GLRA2: variants seen among roughly 807,000 people sequenced by gnomAD.
GLRA2 encodes the protein glycine receptor subunit alpha-2.
Under a neutral mutation model 31.6 loss-of-function variants are expected in GLRA2, and 11 were observed. The observed-to-expected ratio is 0.35, with a 90% CI of 0.22 to 0.58. GLRA2 has a LOEUF of 0.58. GLRA2 is among the 20% of genes least tolerant of loss of function. The pLI, the probability that GLRA2 is intolerant of heterozygous loss-of-function variation, is 0.84. For synonymous variants in GLRA2, 132 were observed against 134.0 expected, an observed-to-expected ratio of 0.99 and a Z score of 0.10; for missense variants, 212 against 351.8, an observed-to-expected ratio of 0.60 and a Z score of 3.18.
At chrX:14,491,937 C>CAGAA in the GLRA2 span, among the ~76,000 whole-genome samples, 1 of 111,697 alleles carries the variant, frequency 9.0e-6, no homozygotes, top group Non-Finnish European at 1.9e-5. Context: ...GTGCACTTTA[C>CAGAA]AGAAGTATGT....
chrX:14,559,177 T>G (rs900923495), intron 2 of GLRA2, among the ~76,000 whole-genome samples: 1 of 111,308 alleles, frequency 9.0e-6, no homozygotes, highest in East Asian at 2.8e-4. Flanking sequence ...AGCAAATGGT[T>G]TTTGATGAGT....
chrX:14,582,401 A>C (rs996128440), intron 4 of GLRA2, among the ~76,000 whole-genome samples: 1 of 109,829 alleles, frequency 9.1e-6, no homozygotes, highest in African/African-American at 3.3e-5. Context: ...TGAACTCATC[A>C]TTTTTTATGG....
intron 7 of GLRA2, among the ~76,000 whole-genome samples, chrX:14,645,737 C>T (rs899755945): frequency 3.6e-5 from 4 of 111,986 alleles, no homozygotes; most frequent in African/African-American, 1.3e-4. Flanking sequence ...AACTTGTTTT[C>T]CCACAGAGTG....
chrX:14,557,411 G>A (rs1601709244), intron 2 of GLRA2, among the ~76,000 whole-genome samples: 1 of 110,939 alleles, frequency 9.0e-6, no homozygotes, highest in Admixed American at 9.6e-5. Context: ...CACTGTGCCC[G>A]GCCCACCTAA....
At chrX:14,527,684 G>C (rs2089196492), upstream of GLRA2, among the ~76,000 whole-genome samples, 1 of 110,997 alleles carries the variant, frequency 9.0e-6, no homozygotes, top group Admixed American at 9.6e-5. Context: ...CCTTAAATTT[G>C]AGAGAAATAA....
the GLRA2 span, among the ~76,000 whole-genome samples, chrX:14,449,108 C>T: frequency 8.9e-6 from 1 of 112,429 alleles, no homozygotes; most frequent in African/African-American, 3.2e-5. Context: ...TACTCGTGAA[C>T]CTGACACCAA....
the GLRA2 span, among the ~76,000 whole-genome samples, chrX:14,452,961 C>G: frequency 8.9e-6 from 1 of 111,913 alleles, no homozygotes. Context: ...GGAGTAGACA[C>G]ATTCCTAGCT....
intron 4 of GLRA2, among the ~76,000 whole-genome samples, chrX:14,582,711 C>A (rs1413192734): frequency 8.9e-6 from 1 of 112,039 alleles, no homozygotes; most frequent in African/African-American, 3.2e-5. Context: ...CCATGTTTAT[C>A]TCTGTATATT....
Position 14,639,990 on chromosome X carries a change from A to G in GLRA2, c.930+30785A>G, listed in dbSNP as rs757469132. ...TTTGGTGATCCAAGTAGTATTCCCA[A>G]TTGGAAGAATACCTTGCAACTCTGT... On this transcript the variant is annotated intron_variant, in intron 7 of 8. Coordinates refer to ENST00000218075, the MANE Select transcript of GLRA2 (RefSeq NM_002063.4). Among the ~76,000 whole-genome samples, 11 of 112,052 alleles carry G rather than the reference A, an allele frequency of 9.8e-5. No individual in the cohort carries two copies. The South Asian group carries it at 1.1e-3, about 11-fold the overall frequency.
At chrX:14,698,441 G>A (rs1373073622) in intron 8 of GLRA2, among the ~76,000 whole-genome samples, 1 of 109,528 alleles carries the variant, frequency 9.1e-6, no homozygotes, top group African/African-American at 3.3e-5. Context: ...CACTTTGGGA[G>A]GCCGAGGTGG....
At chrX:14,490,671 A>C in the GLRA2 span, among the ~76,000 whole-genome samples, 1 of 111,884 alleles carries the variant, frequency 8.9e-6, no homozygotes, top group African/African-American at 3.3e-5. Context: ...TGGCTGGATG[A>C]AACAAACAAA....
intron 2 of GLRA2, among the ~76,000 whole-genome samples, chrX:14,553,262 G>T (rs1014550287): frequency 9.8e-5 from 11 of 111,950 alleles, no homozygotes; most frequent in Non-Finnish European, 1.9e-4. Context: ...CAATTATGCA[G>T]ATTCAGCCTT....
At chrX:14,477,154 C>T in the GLRA2 span, among the ~76,000 whole-genome samples, 1 of 111,592 alleles carries the variant, frequency 9.0e-6, no homozygotes, top group Non-Finnish European at 1.9e-5. Flanking sequence ...TTTATTTTCT[C>T]TTTCTCTCCC....
chrX:14,731,218 TTTTC>T lies in GLRA2; in HGVS notation c.*738_*741del, dbSNP rs1249540208. On this transcript the variant is annotated 3_prime_UTR_variant, in exon 9 of 9. Transcript: ENST00000218075. ...TCCATATAGGTGTGCATTTTAATAT[TTTTC>T]TTTCCAAGATAAAATTTTGAAACTT... 4 of 112,454 alleles carry T rather than the reference TTTTC, an allele frequency of 3.6e-5. No homozygotes were observed. Among genetic ancestry groups the T allele is most frequent in the African/African-American group, 1.3e-4 (4 of 30,850 alleles). 9.3% of individuals were successfully genotyped at this position (112,454 alleles called of 1,213,427 possible).
chrX:14,470,237 ACAT>A, the GLRA2 span, among the ~76,000 whole-genome samples: 3 of 112,057 alleles, frequency 2.7e-5, no homozygotes, highest in African/African-American at 9.7e-5. Flanking sequence ...TATTGATAAA[ACAT>A]CATCAAAATG....
the GLRA2 span, among the ~76,000 whole-genome samples, chrX:14,487,386 G>GTA: frequency 5.2e-5 from 1 of 19,058 alleles, no homozygotes; most frequent in Non-Finnish European, 8.5e-5. Flanking sequence ...TTGGTTTTCT[G>GTA]TAAAAAAAAA....
At chrX:14,561,104 C>T (rs1052489595) in intron 2 of GLRA2, among the ~76,000 whole-genome samples, 3 of 111,677 alleles carry the variant, frequency 2.7e-5, no homozygotes, top group Admixed American at 9.5e-5. Flanking sequence ...TACCTCCTAA[C>T]GCTTGTGATA....
intron 7 of GLRA2, among the ~76,000 whole-genome samples, chrX:14,612,838 TA>T (rs978597186): frequency 3.9e-5 from 3 of 77,503 alleles, no homozygotes; most frequent in African/African-American, 1.5e-4. Context: ...GTGGGGGGGC[TA>T]GGGGAGTGAT....
At chrX:14,506,204 G>GC in the GLRA2 span, among the ~76,000 whole-genome samples, 1 of 111,541 alleles carries the variant, frequency 9.0e-6, no homozygotes, top group African/African-American at 3.3e-5. Flanking sequence ...AAATGTGTGT[G>GC]CCTGTGTTTC....
Sources: allele counts gnomAD v4.1 joint callset (sites outside exome capture counted in the v4.1 genomes callset), GRCh38; gene constraint gnomAD v4.1.1; transcripts MANE v1.5; gene names NCBI Gene and HGNC (gene_info 2026-07-23, HGNC 2026-07-21).